SV2B: variants seen among roughly 807,000 people sequenced by gnomAD.
The protein encoded by SV2B is solute carrier family 22 member B2.
In SV2B, 41 loss-of-function variants were observed where a neutral mutation model predicts 73.9. The observed-to-expected ratio is 0.56, with a 90% confidence interval of 0.43 to 0.72. The LOEUF is 0.72. SV2B is among the 30% of genes least tolerant of loss of function. SV2B has a pLI of 0.00. For synonymous variants in SV2B, 314 were observed against 314.2 expected, an observed-to-expected ratio of 1.00 and a Z score of 0.01; for missense variants, 764 against 857.8, an observed-to-expected ratio of 0.89 and a Z score of 1.37.
At chr15:91,150,601 C>G (rs556871442) in intron 1 of SV2B, among the ~76,000 whole-genome samples, 60 of 152,350 alleles carry the variant, frequency 3.9e-4, no homozygotes, top group Non-Finnish European at 7.3e-4. Flanking sequence ...TGATCCCTAG[C>G]TCCTGCTGGG....
At chr15:91,219,784 A>T (rs1407629777) in intron 1 of SV2B, among the ~76,000 whole-genome samples, 3 of 152,114 alleles carry the variant, frequency 2.0e-5, no homozygotes. Flanking sequence ...ACTTACAATC[A>T]TTCCCCACTG....
Position 91,234,151 on chromosome 15 carries a change from G to A in SV2B, c.451+7437G>A, listed in dbSNP as rs149834195. On this transcript the variant is annotated intron_variant, in intron 2 of 12. Transcript: ENST00000394232. The surrounding 1 kb of genome is among the most constrained non-coding windows in gnomAD (Gnocchi z 5.6). ...AAGTCGAAATGCCAGACCTATGTTG[G>A]TTTATGGTAGAGGAAGAGATTGAAA... Among the ~76,000 whole-genome samples the A allele has an allele frequency of 1.1e-3, 170 of 152,292 alleles. No individual in the cohort carries two copies. The highest frequency in any genetic ancestry group is 1.9e-3 in the Admixed American group (29 of 15,296).
In SV2B at chr15:91,280,613, T is replaced by C. The variant is rs574762715; in HGVS notation, c.1374-1115T>C. ...GCCAACAGAGGAAGATGGTAATGTA[T>C]GTGAGATACATTTTTAAATGTTGCA... On this transcript the variant is annotated intron_variant, in intron 9 of 12. Transcript: ENST00000394232. This position sits in a 1 kb window ranked among gnomAD's most constrained non-coding sequence, Gnocchi z 5.8. 2.2e-4 allele frequency among the ~76,000 whole-genome samples: 34 copies of C among 152,364 alleles called. No individual in the cohort carries two copies. In the East Asian group the frequency reaches 3.3e-3, roughly 15 times the overall value.
chr15:91,145,867 A>T (rs373771199), intron 1 of SV2B, among the ~76,000 whole-genome samples: 4 of 152,300 alleles, frequency 2.6e-5, no homozygotes, highest in East Asian at 3.9e-4. Flanking sequence ...AGTTCCTTAT[A>T]GATGCTGGAT....
At chr15:91,155,488 T>C (rs1410649425) in intron 1 of SV2B, among the ~76,000 whole-genome samples, 1 of 152,186 alleles carries the variant, frequency 6.6e-6, no homozygotes, top group East Asian at 1.9e-4. Flanking sequence ...GAAACCAGCA[T>C]TCCTTGTATA....
intron 1 of SV2B, among the ~76,000 whole-genome samples, chr15:91,175,314 G>A (rs2044264142): frequency 6.6e-6 from 1 of 151,972 alleles, no homozygotes; most frequent in South Asian, 2.1e-4. Flanking sequence ...GAGTGCAAGG[G>A]CACGATCTCG....
Position 91,226,346 on chromosome 15 carries a change from A to C in SV2B, c.83A>C (p.Glu28Ala), listed in dbSNP as rs1458386131. 5 of 1,614,150 alleles carry C rather than the reference A, an allele frequency of 3.1e-6. No individual in the cohort carries two copies. The highest frequency in any genetic ancestry group is 4.2e-6 in the Non-Finnish European group (5 of 1,180,024). Residue 28 changes from glutamate (E) to alanine (A), a missense_variant, in exon 2 of 13, where the codon GAA becomes GCA. Glu to Ala is a moderately radical substitution (Grantham distance 107). Coordinates refer to ENST00000394232, the MANE Select transcript of SV2B (RefSeq NM_001323032.3). ...TACCGCGGCAATGAGTCCAACCCAGAAGAAGATGCACAGAGTGATGTCACC... is the reference window on the plus strand; with the variant it reads ...TACCGCGGCAATGAGTCCAACCCAGCAGAAGATGCACAGAGTGATGTCACC... ...GYYRGNESNP[E>A]EDAQSDVTEG...
intron 9 of SV2B, among the ~76,000 whole-genome samples, chr15:91,269,145 G>T (rs868712597): frequency 6.6e-6 from 1 of 151,806 alleles, no homozygotes. Flanking sequence ...GAAAAGTCCT[G>T]TTCACAGCTT....
chr15:91,266,010 G>A (rs78177478), intron 6 of SV2B, among the ~76,000 whole-genome samples: 40,202 of 152,052 alleles, frequency 0.26, 6,617 homozygotes, highest in African/African-American at 0.46. Context: ...GGGTGTGGTG[G>A]TGCAGGCATG....
At chr15:91,292,274 C>T (rs2049067988) in intron 12 of SV2B, 95 bp from the exon 13 acceptor site, 2 of 1,287,374 alleles carry the variant, frequency 1.6e-6, no homozygotes, top group Non-Finnish European at 2.1e-6. Context: ...CTCCCTTGCA[C>T]CCTCTTCCCC....
At chr15:91,180,532 A>C (rs1287215980) in intron 1 of SV2B, among the ~76,000 whole-genome samples, 2 of 152,160 alleles carry the variant, frequency 1.3e-5, no homozygotes, top group Non-Finnish European at 2.9e-5. Context: ...CAGGTAACCA[A>C]TCAGATGTAG....
intron 1 of SV2B, among the ~76,000 whole-genome samples, chr15:91,205,771 C>T (rs2141401760): frequency 6.6e-6 from 1 of 152,132 alleles, no homozygotes; most frequent in Non-Finnish European, 1.5e-5. Flanking sequence ...TGCAAAGAGT[C>T]AAAAATCAGA....
At position 91,283,621 on chromosome 15, in the gene SV2B, T is replaced by C. The variant is rs1433673902; in HGVS notation, c.1508-400T>C. ...TAGCTAATTTAAAAGAAAATTTTAT[T>C]TATTTATTTATTTGTAGAGATAAGG... On this transcript the variant is annotated intron_variant, in intron 10 of 12. Transcript: ENST00000394232. The surrounding 1 kb of genome is among the most constrained non-coding windows in gnomAD (Gnocchi z 4.3). 5.3e-5 allele frequency among the ~76,000 whole-genome samples: 8 copies of C among 151,948 alleles called. No individual in the cohort carries two copies. The highest frequency in any genetic ancestry group is 1.9e-4 in the African/African-American group (8 of 41,364).
At chr15:91,127,284 C>A (rs987364060) in intron 1 of SV2B, among the ~76,000 whole-genome samples, 1 of 152,100 alleles carries the variant, frequency 6.6e-6, no homozygotes, top group African/African-American at 2.4e-5. Context: ...GTGGACAAGA[C>A]AAGGTGGGGA....
rs2049003009 is a variant in SV2B at position 91,290,409 on chromosome 15, T to C, written c.1868+729T>C. ...CGTGTCATATTTGGAGCCCCTCTCA[T>C]TTGAATCAAAGAACTGCTAAGTTTT... On this transcript the variant is annotated intron_variant, in intron 12 of 12. Transcript: ENST00000394232. This position sits in a 1 kb window ranked among gnomAD's most constrained non-coding sequence, Gnocchi z 4.7. Among the ~76,000 whole-genome samples, 1 of 152,178 alleles carries C rather than the reference T, an allele frequency of 6.6e-6. No individual in the cohort carries two copies. The highest frequency in any genetic ancestry group is 2.4e-5 in the African/African-American group (1 of 41,446).
intron 6 of SV2B, 80 bp downstream of exon 6, chr15:91,260,489 A>C: frequency 9.1e-7 from 1 of 1,101,902 alleles, no homozygotes; most frequent in Admixed American, 2.6e-5. Flanking sequence ...ATTTAAGCAC[A>C]TAACAGGAAA....
chr15:91,294,630 A>T lies in SV2B; in HGVS notation c.*2078A>T, dbSNP rs1042855094. On this transcript the variant is annotated 3_prime_UTR_variant, in exon 13 of 13. Transcript: ENST00000394232. The surrounding 1 kb of genome is among the most constrained non-coding windows in gnomAD (Gnocchi z 4.1). ...GTGAGTCTGGGATTACCACATCTAA[A>T]ACATTATTCTTTAATGGGATAATAC... 2.0e-5 allele frequency: 3 copies of T among 152,214 alleles called. No homozygotes were observed. Among genetic ancestry groups the T allele is most frequent in the Admixed American group, 6.5e-5 (1 of 15,274 alleles). 9.4% of individuals were successfully genotyped at this position (152,214 alleles called of 1,614,324 possible).
At chr15:91,246,329 T>C (rs2047222890) in intron 2 of SV2B, among the ~76,000 whole-genome samples, 1 of 152,228 alleles carries the variant, frequency 6.6e-6, no homozygotes, top group Non-Finnish European at 1.5e-5. Context: ...CTTTCCAAGG[T>C]CCTAGACAAT....
At chr15:91,113,781 A>G (rs1242902249) in intron 1 of SV2B, among the ~76,000 whole-genome samples, 1 of 152,212 alleles carries the variant, frequency 6.6e-6, no homozygotes, top group African/African-American at 2.4e-5. Flanking sequence ...ATAGCCTCAG[A>G]CAAGTTTAAC....
Sources: gnomAD v4.1 joint callset for allele counts (sites outside exome capture counted in the v4.1 genomes callset) on GRCh38, gnomAD v4.1.1 for gene constraint, Gnocchi (gnomAD v3.1) non-coding constraint, MANE v1.5 for transcripts, NCBI Gene and HGNC (gene_info 2026-07-23, HGNC 2026-07-21) for gene names.